The following MYMX variants were observed in gnomAD, a reference collection of about 807,000 sequenced individuals.
MYMX encodes myomixer, myoblast fusion factor.
At chr6:44,192,872 C>A in the MYMX span, among the ~76,000 whole-genome samples, 1 of 152,210 alleles carries the variant, frequency 6.6e-6, no homozygotes, top group Non-Finnish European at 1.5e-5. Flanking sequence ...GCAGGACTGT[C>A]TTTTTCTCTG....
At chr6:44,193,703 C>T in the MYMX span, among the ~76,000 whole-genome samples, 3 of 152,216 alleles carry the variant, frequency 2.0e-5, no homozygotes, top group Non-Finnish European at 4.4e-5. Flanking sequence ...TAATTTCTGG[C>T]CAGGCGCGGT....
chr6:44,194,953 G>A, the MYMX span, among the ~76,000 whole-genome samples: 39 of 151,758 alleles, frequency 2.6e-4, no homozygotes, highest in Admixed American at 8.5e-4. Context: ...CCGTATATTC[G>A]CCACCAAGAT....
At chr6:44,211,656 C>T in the MYMX span, among the ~76,000 whole-genome samples, 1 of 145,748 alleles carries the variant, frequency 6.9e-6, no homozygotes, top group African/African-American at 2.5e-5. Context: ...CTCACTGTGT[C>T]GCCCAGGCTA....
upstream of MYMX, among the ~76,000 whole-genome samples, chr6:44,215,106 G>A (rs1775790164): frequency 6.6e-6 from 1 of 152,104 alleles, no homozygotes; most frequent in African/African-American, 2.4e-5. Flanking sequence ...CTTTCTTTAG[G>A]GTCTTACATG....
At chr6:44,205,979 C>CAAAAAA in the MYMX span, among the ~76,000 whole-genome samples, 4 of 46,738 alleles carry the variant, frequency 8.6e-5, no homozygotes, top group East Asian at 4.8e-4. Context: ...GACCCTTTCT[C>CAAAAAA]AAAAAAAAAA....
upstream of MYMX, among the ~76,000 whole-genome samples, chr6:44,211,947 G>T (rs1389214225): frequency 2.0e-5 from 3 of 151,952 alleles, no homozygotes; most frequent in Admixed American, 6.6e-5. Flanking sequence ...GCCTAATCTA[G>T]AATTTCTTTT....
chr6:44,194,564 T>G, the MYMX span, among the ~76,000 whole-genome samples: 71 of 152,196 alleles, frequency 4.7e-4, 1 homozygote. Context: ...GCAGGATCCC[T>G]CATCCCTGGC....
the MYMX span, among the ~76,000 whole-genome samples, chr6:44,211,049 AG>A: frequency 6.6e-6 from 1 of 152,220 alleles, no homozygotes; most frequent in Admixed American, 6.5e-5. Flanking sequence ...CAGGAGTTTG[AG>A]GTTGCAGTGA....
At chr6:44,211,263 TTTAA>T in the MYMX span, among the ~76,000 whole-genome samples, 3 of 152,226 alleles carry the variant, frequency 2.0e-5, no homozygotes, top group East Asian at 1.9e-4. Flanking sequence ...GGTTAAGAAT[TTTAA>T]TTAATATGTG....
the MYMX span, among the ~76,000 whole-genome samples, chr6:44,195,128 C>T: frequency 1.1e-4 from 16 of 152,074 alleles, no homozygotes; most frequent in African/African-American, 3.6e-4. Flanking sequence ...AAGCAATTCT[C>T]CTGCCTCAGC....
At chr6:44,217,131 G>A in intron 1 of MYMX, 163 bp downstream of exon 1, 2 of 257,030 alleles carry the variant, frequency 7.8e-6, no homozygotes, top group Non-Finnish European at 7.3e-6. Flanking sequence ...CATTGAGGCT[G>A]TGCAAGAGGA....
chr6:44,192,851 A>G, the MYMX span, among the ~76,000 whole-genome samples: 2 of 152,174 alleles, frequency 1.3e-5, no homozygotes, highest in African/African-American at 4.8e-5. Context: ...CCTACTGACC[A>G]TATCTTGAGA....
At chr6:44,200,144 G>A in the MYMX span, among the ~76,000 whole-genome samples, 2 of 151,668 alleles carry the variant, frequency 1.3e-5, no homozygotes, top group East Asian at 1.9e-4. Flanking sequence ...CTCCAGGCCT[G>A]GGAGACAGAG....
the MYMX span, among the ~76,000 whole-genome samples, chr6:44,200,407 C>T: frequency 1.6e-4 from 24 of 152,140 alleles, no homozygotes; most frequent in East Asian, 3.9e-4. Context: ...TTCTACCTCC[C>T]GGGTTCAAGC....
the MYMX span, among the ~76,000 whole-genome samples, chr6:44,195,589 C>G: frequency 6.6e-6 from 1 of 152,180 alleles, no homozygotes; most frequent in Non-Finnish European, 1.5e-5. Context: ...ACCTCAGCCT[C>G]CCAAAACGTT....
At chr6:44,215,866 G>C (rs1775836298), upstream of MYMX, among the ~76,000 whole-genome samples, 1 of 152,176 alleles carries the variant, frequency 6.6e-6, no homozygotes, top group African/African-American at 2.4e-5. Flanking sequence ...CTGCACTCCA[G>C]CCTGGGTGAC....
chr6:44,208,620 C>G, the MYMX span, among the ~76,000 whole-genome samples: 12 of 152,326 alleles, frequency 7.9e-5, no homozygotes, highest in African/African-American at 2.2e-4. Flanking sequence ...TCCTTAAACA[C>G]TAGATGCCTG....
At chr6:44,215,469 C>T (rs1367902215), upstream of MYMX, among the ~76,000 whole-genome samples, 2 of 151,986 alleles carry the variant, frequency 1.3e-5, no homozygotes, top group African/African-American at 4.8e-5. Flanking sequence ...CCCAGCAACT[C>T]GGGAGACTAA....
At chr6:44,197,016 A>G in the MYMX span, among the ~76,000 whole-genome samples, 1 of 152,154 alleles carries the variant, frequency 6.6e-6, no homozygotes, top group Non-Finnish European at 1.5e-5. Context: ...GCATGTTGGG[A>G]GGCTGAGGAG....
Sources: gnomAD v4.1 joint callset for allele counts (sites outside exome capture counted in the v4.1 genomes callset) on GRCh38, gnomAD v4.1.1 for gene constraint, MANE v1.5 for transcripts, NCBI Gene and HGNC (gene_info 2026-07-23, HGNC 2026-07-21) for gene names.